TIGD2: variants seen among roughly 807,000 people sequenced by gnomAD.
TIGD2 encodes the protein tigger transposable element-derived protein 2.
Under a neutral mutation model 27.0 loss-of-function variants are expected in TIGD2, and 14 were observed. The ratio of observed to expected loss-of-function variants is 0.52; its 90% CI spans 0.34 to 0.81. TIGD2 has a LOEUF of 0.81. TIGD2 is among the 30% of genes least tolerant of loss of function. TIGD2 has a pLI of 0.01. For synonymous variants in TIGD2, 201 were observed against 209.0 expected (o/e 0.96, Z 0.33); for missense variants, 590 against 617.3 (o/e 0.96, Z 0.47).
In TIGD2 at chr4:89,111,585, C is replaced by G. The variant is rs1334096387; in HGVS notation, c.-1207C>G. 1 of 152,654 alleles carries G rather than the reference C, an allele frequency of 6.6e-6. No individual in the cohort carries two copies. The highest frequency in any genetic ancestry group is 1.5e-5 in the Non-Finnish European group (1 of 68,434). 9.5% of individuals were successfully genotyped at this position (152,654 alleles called of 1,614,324 possible). ...GACGCTCGTCCCTCTCCGCTCGTCCCTCGCCGCTGCCGGGCCACCAGTGCC... is the reference window on the plus strand; with the variant it reads ...GACGCTCGTCCCTCTCCGCTCGTCCGTCGCCGCTGCCGGGCCACCAGTGCC... On this transcript the variant is annotated 5_prime_UTR_variant, in exon 1 of 2. Transcript: ENST00000603357.
Position 89,112,155 on chromosome 4 carries a change from A to G in TIGD2, c.-820A>G, listed in dbSNP as rs1444780727. ...ATCGTCTTTCACCAGGATTATTGTA[A>G]CATCATCTTCACCGAGCCTGCCACC... On this transcript the variant is annotated 5_prime_UTR_variant, in exon 2 of 2. Transcript: ENST00000603357. 2.0e-5 allele frequency: 3 copies of G among 152,142 alleles called. 1 individual carries two copies. Among genetic ancestry groups the G allele is most frequent in the African/African-American group, 7.2e-5 (3 of 41,410 alleles). 9.4% of individuals were successfully genotyped at this position (152,142 alleles called of 1,614,324 possible).
rs765853331 is a variant in TIGD2 at position 89,113,206 on chromosome 4, G to A, written c.232G>A (p.Glu78Lys). The A allele has an allele frequency of 3.7e-6, 6 of 1,614,100 alleles. No homozygotes were observed. Among genetic ancestry groups the A allele is most frequent in the Non-Finnish European group, 5.1e-6 (6 of 1,180,012 alleles). The change falls in exon 2 of 2, where the codon GAG becomes AAG. Residue 78 changes from glutamate (E) to lysine (K), a missense_variant. Around this residue, in one of 3 missense-constraint regions of TIGD2, gnomAD observed 47 missense variants for 79.7 expected, o/e 0.59. Transcript: ENST00000603357. The part of the protein sequence containing the change: ...RKSMKSSTYE[E>K]LDRVMIEWFN... ...ATCTATGAAGTCATCAACATACGAG[G>A]AGCTTGATAGAGTTATGATAGAGTG...
chr4:89,113,026 A>G lies in TIGD2; in HGVS notation c.52A>G (p.Ile18Val). 6.2e-7 allele frequency: 1 copy of G among 1,609,638 alleles called. No individual in the cohort carries two copies. The highest frequency in any genetic ancestry group is 8.5e-7 in the Non-Finnish European group (1 of 1,178,602). ...GTTGACAATTAAGGACAAGCTTGAC[A>G]TTATTAAGAAACTTGAGGAAGGCAT... ...VVLTIKDKLDIIKKLEEGISF... is the reference protein window; with the variant it reads ...VVLTIKDKLDVIKKLEEGISF... The change falls in exon 2 of 2, where the codon ATT (isoleucine) becomes GTT (valine). Residue 18 changes from isoleucine to valine, a missense_variant. Coordinates refer to ENST00000603357, the MANE Select transcript of TIGD2 (RefSeq NM_145715.3).
Position 89,114,534 on chromosome 4 carries a change from AAAT to A in TIGD2, c.1563_1565del (p.Asn522del), listed in dbSNP as rs764424810. The A allele has an allele frequency of 6.3e-7, 1 of 1,582,536 alleles. No individual in the cohort carries two copies. Among genetic ancestry groups the A allele is most frequent in the Non-Finnish European group, 8.6e-7 (1 of 1,161,596 alleles). On this transcript the variant is annotated inframe_deletion, in exon 2 of 2. Coordinates refer to ENST00000603357, the MANE Select transcript of TIGD2 (RefSeq NM_145715.3). ...TAATAAGAAAAAAACAGAAGATCCA[AAAT>A]AACAAAAATCATTAATAAGGCTCTT...
In TIGD2 at chr4:89,113,944, C is replaced by T. The variant is rs375784654; in HGVS notation, c.970C>T (p.Gln324Ter). The change falls in exon 2 of 2, where the codon CAA (glutamine) becomes TAA (stop). Residue 324 changes from glutamine to a stop codon, truncating the protein, a stop_gained. Transcript: ENST00000603357. LOFTEE classifies it high-confidence loss of function. Reference sequence around the variant, plus strand: ...GCCACCAAATGTCACAAGTCTGATTCAACCAATGAGCCAGGGAGTTCTAGC... The same window carrying T: ...GCCACCAAATGTCACAAGTCTGATTTAACCAATGAGCCAGGGAGTTCTAGC... ...YLPPNVTSLI[Q>*]PMSQGVLATV... The T allele has an allele frequency of 4.3e-6, 7 of 1,613,928 alleles. No homozygotes were observed. The highest frequency in any genetic ancestry group is 5.9e-6 in the Non-Finnish European group (7 of 1,179,954).
upstream of TIGD2, chr4:89,111,501 C>G (rs902578050): frequency 6.6e-6 from 1 of 152,292 alleles, no homozygotes; most frequent in East Asian, 1.9e-4. Flanking sequence ...CTCGCCGGCA[C>G]AACGTTCTGC....
chr4:89,114,526 A>C lies in TIGD2; in HGVS notation c.1552A>C (p.Lys518Gln). 3 of 1,584,788 alleles carry C rather than the reference A, an allele frequency of 1.9e-6. No homozygotes were observed. Among genetic ancestry groups the C allele is most frequent in the Non-Finnish European group, 2.6e-6 (3 of 1,162,314 alleles). Residue 518 changes from lysine to glutamine, a missense_variant, in exon 2 of 2, where the codon AAG (lysine) becomes CAG (glutamine). By Grantham distance (53) the Lys-to-Gln change is moderately conservative (BLOSUM62 1). Transcript: ENST00000603357. ...RLRTIIRKKQ[K>Q]IQNNKNH ...TCGGACCATAATAAGAAAAAAACAG[A>C]AGATCCAAAATAACAAAAATCATTA...
Position 89,113,722 on chromosome 4 carries a change from T to C in TIGD2, c.748T>C (p.Tyr250His), listed in dbSNP as rs761906348. 4.3e-6 allele frequency: 7 copies of C among 1,614,082 alleles called. No homozygotes were observed. Among genetic ancestry groups the C allele is most frequent in the Non-Finnish European group, 5.9e-6 (7 of 1,180,040 alleles). Residue 250 changes from tyrosine to histidine, a missense_variant, in exon 2 of 2, where the codon TAC becomes CAC. Around this residue, in one of 3 missense-constraint regions of TIGD2, gnomAD observed 451 missense variants for 448.0 expected, o/e 1.01. Coordinates refer to ENST00000603357, the MANE Select transcript of TIGD2 (RefSeq NM_145715.3). ...CCTTTCAAACCTTCCTGTGACATAT[T>C]ACAGTCAAAAAGGTGCATGGATAGA... Reference protein sequence around the residue: ...TDLSNLPVTYYSQKGAWIEQS... With the variant: ...TDLSNLPVTYHSQKGAWIEQS...
Position 89,112,795 on chromosome 4 carries a change from G to GT in TIGD2, c.-179dup. ...CGCTAGGCTTTGTTGTAGGAAGTTTGTAAGTTTTAAAATAGCAAGTAGATT... is the reference window on the plus strand; with the variant it reads ...CGCTAGGCTTTGTTGTAGGAAGTTTGTTAAGTTTTAAAATAGCAAGTAGATT... On this transcript the variant is annotated 5_prime_UTR_variant, in exon 2 of 2. Transcript: ENST00000603357. The GT allele has an allele frequency of 1.8e-6, 1 of 560,002 alleles. No individual in the cohort carries two copies. The highest frequency in any genetic ancestry group is 3.1e-6 in the Non-Finnish European group (1 of 324,514). 34.7% of individuals were successfully genotyped at this position (560,002 alleles called of 1,614,324 possible).
rs1465328573 is a variant in TIGD2, at chr4:89,111,903, C to T, written c.-909+20C>T. On this transcript the variant is annotated intron_variant, in intron 1 of 1. Transcript: ENST00000603357. ...CAGGAGGTAGGCTCTTCAGGTCCCT[C>T]TCTCTGTCACCCCAGATTATGCCTG... 6.6e-6 allele frequency: 1 copy of T among 152,254 alleles called. No homozygotes were observed. The highest frequency in any genetic ancestry group is 1.5e-5 in the Non-Finnish European group (1 of 68,056). 9.4% of individuals were successfully genotyped at this position (152,254 alleles called of 1,614,324 possible). A position where few individuals can be genotyped will look rare whatever the true frequency, so the allele number is the denominator to read the frequency against.
chr4:89,114,324 T>C lies in TIGD2; in HGVS notation c.1350T>C (p.Ala450=), dbSNP rs765873866. The C allele has an allele frequency of 6.1e-5, 99 of 1,614,120 alleles. No individual in the cohort carries two copies. Among genetic ancestry groups the C allele is most frequent in the Non-Finnish European group, 8.2e-5 (97 of 1,180,036 alleles). Residue 450 remains alanine, a synonymous_variant, in exon 2 of 2, where the codon GCT becomes GCC. Coordinates refer to ENST00000603357, the MANE Select transcript of TIGD2 (RefSeq NM_145715.3). ...AGGTGCTGACTGACAGTGAAAGTGC[T>C]GAGGACCAGACCAAGGCTGCTGAGC... ...SCQVLTDSES[A]EDQTKAAEQK...
At position 89,113,402 on chromosome 4, in the gene TIGD2, CA is replaced by C; in HGVS notation, c.432del (p.Lys144AsnfsTer2). The C allele has an allele frequency of 6.2e-7, 1 of 1,614,024 alleles. No homozygotes were observed. Among genetic ancestry groups the C allele is most frequent in the South Asian group, 1.1e-5 (1 of 91,074 alleles). ...ATTCCAAAGGCTGCTGGTAAAGGAA[CA>C]AAATTAAAAGGAGATGAAACTGCTG... ...HGIPKAAGKG[T>X]KLKGDETAAR... On this transcript the variant is annotated frameshift_variant, in exon 2 of 2. Transcript: ENST00000603357. LOFTEE classifies it high-confidence loss of function.
At position 89,113,921 on chromosome 4, in the gene TIGD2, C is replaced by T; in HGVS notation, c.947C>T (p.Pro316Leu). 6.2e-7 allele frequency: 1 copy of T among 1,614,076 alleles called. No homozygotes were observed. The highest frequency in any genetic ancestry group is 8.5e-7 in the Non-Finnish European group (1 of 1,179,980). Residue 316 changes from proline (P) to leucine (L), a missense_variant, in exon 2 of 2, where the codon CCA becomes CTA. Around this residue, in one of 3 missense-constraint regions of TIGD2, gnomAD observed 451 missense variants for 448.0 expected, o/e 1.01. Transcript: ENST00000603357. ...GGCAGAATAATTGTGAAGTATTTGC[C>T]ACCAAATGTCACAAGTCTGATTCAA... is the stretch of plus-strand genomic sequence containing the variant. ...DDGRIIVKYL[P>L]PNVTSLIQPM... is the part of the protein sequence containing the mutation.
Position 89,112,929 on chromosome 4 carries a change from T to C in TIGD2, c.-46T>C. On this transcript the variant is annotated 5_prime_UTR_variant, in exon 2 of 2. Coordinates refer to ENST00000603357, the MANE Select transcript of TIGD2 (RefSeq NM_145715.3). Reference sequence around the variant, plus strand: ...TTGCTTTGTATTCAAATCTTAGTTGTTAATTATCTTGTTCTAGTAATCACC... The same window carrying C: ...TTGCTTTGTATTCAAATCTTAGTTGCTAATTATCTTGTTCTAGTAATCACC... 1.4e-6 allele frequency: 2 copies of C among 1,456,668 alleles called. No homozygotes were observed. Among genetic ancestry groups the C allele is most frequent in the Non-Finnish European group, 1.8e-6 (2 of 1,081,490 alleles). 90.2% of individuals were successfully genotyped at this position (1,456,668 alleles called of 1,614,324 possible).
rs748570368 is a variant in TIGD2 at position 89,112,943 on chromosome 4, C to G, written c.-32C>G. The G allele has an allele frequency of 1.3e-6, 2 of 1,496,072 alleles. No individual in the cohort carries two copies. Among genetic ancestry groups the G allele is most frequent in the Non-Finnish European group, 1.8e-6 (2 of 1,113,764 alleles). The allele number at this position is 1,496,072 out of a possible 1,614,324, so 92.7% of individuals were successfully genotyped here. On this transcript the variant is annotated 5_prime_UTR_variant, in exon 2 of 2. Transcript: ENST00000603357. The stretch of plus-strand genomic sequence containing the variant: ...AATCTTAGTTGTTAATTATCTTGTT[C>G]TAGTAATCACCTAAAATATTAGACA...
chr4:89,111,371 G>A (rs1047892255), upstream of TIGD2: 12 of 298,832 alleles, frequency 4.0e-5, no homozygotes, highest in Admixed American at 6.5e-5. Flanking sequence ...ACGGCCAGGC[G>A]GTGAGTGGAA....
chr4:89,111,929 A>G (rs1408444117), intron 1 of TIGD2, 46 bp downstream of exon 1: 2 of 152,256 alleles, frequency 1.3e-5, no homozygotes, highest in Non-Finnish European at 2.9e-5. Flanking sequence ...ATTATGCCTG[A>G]AAGCATTATT....
chr4:89,111,381 A>T, upstream of TIGD2: 3 of 243,922 alleles, frequency 1.2e-5, no homozygotes, highest in South Asian at 1.5e-4. Flanking sequence ...GGTGAGTGGA[A>T]CCCACGCAGC....
Position 89,113,778 on chromosome 4 carries a change from G to T in TIGD2, c.804G>T (p.Lys268Asn). The change falls in exon 2 of 2, where the codon AAG becomes AAT. Residue 268 changes from lysine to asparagine, a missense_variant. Transcript: ENST00000603357. ...CTGTTTTCAGACAGTGGTTTGAAAA[G>T]TACTTTGTGCCACAGGTACAGAAGC... Reference protein sequence around the residue: ...EQSVFRQWFEKYFVPQVQKHL... With the variant: ...EQSVFRQWFENYFVPQVQKHL... 6.2e-7 allele frequency: 1 copy of T among 1,614,216 alleles called. No individual in the cohort carries two copies. The highest frequency in any genetic ancestry group is 8.5e-7 in the Non-Finnish European group (1 of 1,180,048).
Sources: allele counts gnomAD v4.1 joint callset, GRCh38; gene constraint gnomAD v4.1.1; regional missense constraint gnomAD v4.1.1; transcripts MANE v1.5; gene names NCBI Gene and HGNC (gene_info 2026-07-23, HGNC 2026-07-21).